The following ARHGEF18 variants were observed in gnomAD, a reference collection of about 807,000 sequenced individuals.
The protein encoded by ARHGEF18 is rho guanine nucleotide exchange factor 18.
In ARHGEF18, 93 loss-of-function variants were observed where a neutral mutation model predicts 155.7. The ratio of observed to expected loss-of-function variants is 0.60; its 90% CI spans 0.50 to 0.71. The LOEUF (loss-of-function observed/expected upper bound fraction) is 0.71. Ranked by LOEUF, ARHGEF18 falls within the 30% of genes least tolerant of loss-of-function variation. The pLI, the probability that ARHGEF18 is intolerant of heterozygous loss-of-function variation, is 0.00. For synonymous variants in ARHGEF18, 742 were observed against 753.1 expected (o/e 0.99, Z 0.24); for missense variants, 1,593 against 1,816.1 (o/e 0.88, Z 2.23).
chr19:7,364,063 T>C (rs1969764866), intron 2 of ARHGEF18, among the ~76,000 whole-genome samples: 1 of 145,740 alleles, frequency 6.9e-6, no homozygotes, highest in Non-Finnish European at 1.5e-5. Context: ...GAAGGAAAGA[T>C]GGATGGGTAA....
chr19:7,448,427 C>T (rs1975138095), intron 15 of ARHGEF18, among the ~76,000 whole-genome samples: 1 of 152,124 alleles, frequency 6.6e-6, no homozygotes, highest in African/African-American at 2.4e-5. Context: ...TTTGGGAGGC[C>T]AAGGCGGGTG....
At position 7,470,258 on chromosome 19, in the gene ARHGEF18, C is replaced by G. The variant is rs1395831471; in HGVS notation, c.4046C>G (p.Ala1349Gly). ...CCACTGCCGGCCACACCACTCAGCGCCAAGGAGGACGCCAGCAAAGAAGAC... is the reference window on the plus strand; with the variant it reads ...CCACTGCCGGCCACACCACTCAGCGGCAAGGAGGACGCCAGCAAAGAAGAC... ...PSPLPATPLS[A>G]KEDASKEDVI... The change falls in exon 29 of 29, where the codon GCC (alanine) becomes GGC (glycine). Residue 1349 changes from alanine to glycine, a missense_variant. By Grantham distance (60) the Ala-to-Gly change is moderately conservative. Coordinates refer to ENST00000668164, the MANE Select transcript of ARHGEF18 (RefSeq NM_001367823.1). This position sits in a 1 kb window ranked among gnomAD's most constrained non-coding sequence, Gnocchi z 5.9. 4 of 1,575,102 alleles carry G rather than the reference C, an allele frequency of 2.5e-6. No individual in the cohort carries two copies. The East Asian group carries it at 9.4e-5, about 37-fold the overall frequency.
chr19:7,458,623 G>C lies in ARHGEF18; in HGVS notation c.2293G>C (p.Glu765Gln). The change falls in exon 19 of 29, where the codon GAA becomes CAA. Residue 765 changes from glutamate to glutamine, a missense_variant. Glu to Gln is a conservative substitution (Grantham distance 29). Transcript: ENST00000668164. ...CTCCTTGCAAGGGCCGGAGATGTATGAAATCTACACGAGCTCCAAAGAGGA... is the reference window on the plus strand; with the variant it reads ...CTCCTTGCAAGGGCCGGAGATGTATCAAATCTACACGAGCTCCAAAGAGGA... ...SASLQGPEMYEIYTSSKEDRN... is the reference protein window; with the variant it reads ...SASLQGPEMYQIYTSSKEDRN... 6.2e-7 allele frequency: 1 copy of C among 1,614,218 alleles called. No individual in the cohort carries two copies. The highest frequency in any genetic ancestry group is 8.5e-7 in the Non-Finnish European group (1 of 1,180,030).
intron 10 of ARHGEF18, among the ~76,000 whole-genome samples, chr19:7,421,413 A>C (rs1246870735): frequency 6.6e-6 from 1 of 152,094 alleles, no homozygotes; most frequent in Admixed American, 6.6e-5. Flanking sequence ...ATGCCGGACA[A>C]CTGTACCCCC....
At position 7,444,469 on chromosome 19, in the gene ARHGEF18, GTTCATCTCAACAGTC is replaced by G. The variant is rs772129683; in HGVS notation, c.1611+20_1611+34del. 3.1e-6 allele frequency: 5 copies of G among 1,611,408 alleles called. No homozygotes were observed. In the Admixed American group the frequency reaches 8.3e-5, roughly 27 times the overall value. On this transcript the variant is annotated intron_variant, in intron 14 of 28. Coordinates refer to ENST00000668164, the MANE Select transcript of ARHGEF18 (RefSeq NM_001367823.1). The surrounding 1 kb of genome is among the most constrained non-coding windows in gnomAD (Gnocchi z 4.7). ...TGGTTCAGCAGGTGGGTGCAGCCGT[GTTCATCTCAACAGTC>G]TTCAAAGCCTCTGCCTTGTCTCTGT...
intron 10 of ARHGEF18, among the ~76,000 whole-genome samples, chr19:7,397,831 A>C (rs566612720): frequency 5.9e-5 from 9 of 151,784 alleles, no homozygotes; most frequent in African/African-American, 2.2e-4. Flanking sequence ...GGCCTCCCAA[A>C]GTGCTAGGAT....
intron 17 of ARHGEF18, among the ~76,000 whole-genome samples, chr19:7,454,428 C>G (rs1029626281): frequency 2.1e-4 from 32 of 151,296 alleles, no homozygotes; most frequent in African/African-American, 7.5e-4. Context: ...GATCAGTGGG[C>G]TCCCTCTTGG....
chr19:7,394,380 C>A lies in ARHGEF18; in HGVS notation c.967+11177C>A, dbSNP rs538899478. Among the ~76,000 whole-genome samples, 29 of 152,130 alleles carry A rather than the reference C, an allele frequency of 1.9e-4. 1 individual carries two copies. Among genetic ancestry groups the A allele is most frequent in the South Asian group, 2.1e-4 (1 of 4,818 alleles). On this transcript the variant is annotated intron_variant, in intron 10 of 28. Transcript: ENST00000668164. The stretch of plus-strand genomic sequence containing the variant: ...TGCTTCTTTTTTCTCAGGTGACAGA[C>A]CCTGCCCTCTCCATTTCTTGGACTC...
chr19:7,466,219 A>G (rs1976595624), intron 23 of ARHGEF18, among the ~76,000 whole-genome samples: 4 of 152,032 alleles, frequency 2.6e-5, no homozygotes, highest in African/African-American at 4.8e-5. Flanking sequence ...CCCCGCCTCT[A>G]CCAAATATAC....
intron 10 of ARHGEF18, among the ~76,000 whole-genome samples, chr19:7,417,730 G>A (rs1027836841): frequency 1.5e-4 from 23 of 152,140 alleles, no homozygotes; most frequent in African/African-American, 5.6e-4. Flanking sequence ...GATGGGGACA[G>A]GCAGAAGGAG....
chr19:7,385,824 T>C (rs989342394), intron 10 of ARHGEF18, among the ~76,000 whole-genome samples: 11 of 108,516 alleles, frequency 1.0e-4, no homozygotes, highest in African/African-American at 1.1e-4. Flanking sequence ...ATAGGATCTA[T>C]CTCTCTCTAT....
chr19:7,412,707 A>G (rs1400200625), intron 10 of ARHGEF18, among the ~76,000 whole-genome samples: 2 of 151,076 alleles, frequency 1.3e-5, no homozygotes, highest in Admixed American at 6.6e-5. Context: ...GAGCCACTGC[A>G]CTGGAGCCTG....
Position 7,376,756 on chromosome 19 carries a change from A to G in ARHGEF18, c.540A>G (p.Gln180=), listed in dbSNP as rs1318244195. The change falls in exon 5 of 29, where the codon CAA becomes CAG. Residue 180 remains glutamine (Q), a splice_region_variant and synonymous_variant. Transcript: ENST00000668164. The part of the protein sequence containing the change: ...PGLEVPTPPV[Q]GLEPPVLECM... ...TGGAAGTGCCCACTCCACCTGTTCA[A>G]GGTAGCCAGCCTGGGAGTTTCCTTC... is the stretch of plus-strand genomic sequence containing the variant. 8.1e-6 allele frequency: 10 copies of G among 1,234,214 alleles called. No homozygotes were observed. The highest frequency in any genetic ancestry group is 1.0e-5 in the Non-Finnish European group (10 of 988,042). The allele number at this position is 1,234,214 out of a possible 1,614,324, so 76.5% of individuals were successfully genotyped here.
chr19:7,399,354 G>C (rs922137417), intron 10 of ARHGEF18, among the ~76,000 whole-genome samples: 7 of 152,082 alleles, frequency 4.6e-5, no homozygotes, highest in Non-Finnish European at 7.4e-5. Flanking sequence ...AGTTGTATGT[G>C]AACTAAATTA....
chr19:7,361,271 T>C (rs1969535748), intron 1 of ARHGEF18, among the ~76,000 whole-genome samples: 1 of 151,690 alleles, frequency 6.6e-6, no homozygotes, highest in African/African-American at 2.4e-5. Context: ...CCCCCGTCTC[T>C]ACTAAAAATA....
At chr19:7,461,904 G>A (rs1183091909) in intron 20 of ARHGEF18, among the ~76,000 whole-genome samples, 2 of 152,070 alleles carry the variant, frequency 1.3e-5, no homozygotes, top group Admixed American at 1.3e-4. Flanking sequence ...CTCCTACCTT[G>A]GCTTCCCTAA....
At chr19:7,406,236 C>T (rs1440738347) in intron 10 of ARHGEF18, among the ~76,000 whole-genome samples, 2 of 152,126 alleles carry the variant, frequency 1.3e-5, no homozygotes, top group Non-Finnish European at 2.9e-5. Context: ...AGGCGCGTGC[C>T]ACCACGCTTG....
chr19:7,423,119 G>A (rs1973458997), intron 10 of ARHGEF18, among the ~76,000 whole-genome samples: 1 of 152,182 alleles, frequency 6.6e-6, no homozygotes, highest in Non-Finnish European at 1.5e-5. Flanking sequence ...TAATAGCCGG[G>A]AGGAGCTAAG....
intron 1 of ARHGEF18, among the ~76,000 whole-genome samples, chr19:7,353,487 G>T (rs561135377): frequency 6.6e-6 from 1 of 151,910 alleles, no homozygotes; most frequent in East Asian, 1.9e-4. Context: ...CTACTTGAGA[G>T]GCTGAGGCAG....
Sources: allele counts gnomAD v4.1 joint callset (sites outside exome capture counted in the v4.1 genomes callset), GRCh38; gene constraint gnomAD v4.1.1; non-coding constraint Gnocchi (gnomAD v3.1); transcripts MANE v1.5; gene names NCBI Gene and HGNC (gene_info 2026-07-23, HGNC 2026-07-21).